MBD5: variants seen among roughly 807,000 people sequenced by gnomAD.
MBD5 encodes methyl-CpG-binding domain protein 5.
MBD5 carries 13 observed loss-of-function variants against 117.3 expected under a neutral mutation model. That is an observed-to-expected ratio of 0.11 (90% CI 0.07 to 0.18). The LOEUF is 0.18. MBD5 is among the 10% of genes least tolerant of loss of function. The probability of loss-of-function intolerance (pLI) is 1.00; values close to 1 mark genes in which losing one functional copy is unlikely to be tolerated. For synonymous variants in MBD5, 727 were observed against 766.4 expected (o/e 0.95, Z 0.85); for missense variants, 1,879 against 2,093.8 (o/e 0.90, Z 2.00).
chr2:148,207,463 A>G (rs1437513390), intron 2 of MBD5, among the ~76,000 whole-genome samples: 1 of 151,596 alleles, frequency 6.6e-6, no homozygotes, highest in African/African-American at 2.4e-5. Flanking sequence ...GACAAAAAAA[A>G]AACCCTTAAA....
intron 1 of MBD5, among the ~76,000 whole-genome samples, chr2:148,177,113 A>G (rs1324038904): frequency 2.6e-5 from 4 of 152,174 alleles, no homozygotes; most frequent in Non-Finnish European, 4.4e-5. Context: ...CCTATTTACT[A>G]TATGTTCAAA....
chr2:148,295,431 G>A (rs1011325142), intron 3 of MBD5, among the ~76,000 whole-genome samples: 1 of 151,916 alleles, frequency 6.6e-6, no homozygotes, highest in Admixed American at 6.6e-5. Flanking sequence ...TTCATTGTGT[G>A]CAAAGAGTAT....
At chr2:148,181,512 A>G (rs147785592) in intron 2 of MBD5, among the ~76,000 whole-genome samples, 1 of 152,294 alleles carries the variant, frequency 6.6e-6, no homozygotes, top group African/African-American at 2.4e-5. Context: ...GCCAGCCCTT[A>G]ACGTTTTCCA....
chr2:148,379,072 A>T (rs1704063301), intron 4 of MBD5, among the ~76,000 whole-genome samples: 1 of 152,110 alleles, frequency 6.6e-6, no homozygotes, highest in African/African-American at 2.4e-5. Context: ...GACAAGATAG[A>T]GCAAATGAAA....
At chr2:148,139,731 G>T (rs1284745858) in intron 1 of MBD5, among the ~76,000 whole-genome samples, 1 of 151,942 alleles carries the variant, frequency 6.6e-6, no homozygotes, top group African/African-American at 2.4e-5. Flanking sequence ...TTAAACAATA[G>T]CTACCCCCCT....
chr2:148,148,701 TA>T (rs1267842183), intron 1 of MBD5, among the ~76,000 whole-genome samples: 1 of 152,140 alleles, frequency 6.6e-6, no homozygotes, highest in Non-Finnish European at 1.5e-5. Flanking sequence ...ATGGGTTTTA[TA>T]AATTCTCTTG....
chr2:148,158,763 A>G (rs59094777), intron 1 of MBD5, among the ~76,000 whole-genome samples: 12,784 of 152,220 alleles, frequency 0.084, 604 homozygotes, highest in South Asian at 0.14. Flanking sequence ...TGTGTCTGCC[A>G]GGCTGGAGTG....
At chr2:148,358,337 A>G (rs561104067) in intron 4 of MBD5, among the ~76,000 whole-genome samples, 2 of 152,312 alleles carry the variant, frequency 1.3e-5, no homozygotes, top group Admixed American at 1.3e-4. Context: ...ACAGCCCAAG[A>G]TATAGGTAAT....
chr2:148,187,019 C>A (rs1288802034), intron 2 of MBD5, among the ~76,000 whole-genome samples: 1 of 152,196 alleles, frequency 6.6e-6, no homozygotes, highest in Non-Finnish European at 1.5e-5. Context: ...ATGCAATAAA[C>A]ATTGCCAATT....
At chr2:148,382,571 C>A (rs920284388) in intron 4 of MBD5, among the ~76,000 whole-genome samples, 6 of 152,090 alleles carry the variant, frequency 3.9e-5, no homozygotes, top group African/African-American at 1.4e-4. Flanking sequence ...ACAAGGATAT[C>A]CAAGAATTGA....
intron 4 of MBD5, among the ~76,000 whole-genome samples, chr2:148,372,051 T>C (rs1025409399): frequency 7.9e-5 from 12 of 152,116 alleles, no homozygotes; most frequent in African/African-American, 2.9e-4. Flanking sequence ...GATAAGCTAA[T>C]ATAATAAATA....
chr2:148,385,983 A>C (rs1704346676), intron 4 of MBD5, among the ~76,000 whole-genome samples: 1 of 128,628 alleles, frequency 7.8e-6, no homozygotes, highest in African/African-American at 2.9e-5. Flanking sequence ...GGGGGGAGGG[A>C]TAGCATTAGG....
At position 148,469,726 on chromosome 2, in the gene MBD5, G is replaced by T. The variant is rs1302791673; in HGVS notation, c.1783G>T (p.Ala595Ser). ...ACAGCTAGCAAATCAAAACAAACTT[G>T]CTGGTAACAACAGTAGCAGCAGTAG... ...KAQLANQNKLAGNNSSSSSNS... is the reference protein window; with the variant it reads ...KAQLANQNKLSGNNSSSSSNS... Residue 595 changes from alanine (A) to serine (S), a missense_variant, in exon 8 of 14, where the codon GCT becomes TCT. Physicochemically the swap from Ala to Ser is moderately conservative, Grantham distance 99. This residue lies in a region of MBD5 where 1,666 missense variants were observed against 1,792.2 expected (regional missense o/e 0.93). Transcript: ENST00000642680. The T allele has an allele frequency of 6.2e-7, 1 of 1,613,902 alleles. No homozygotes were observed. Among genetic ancestry groups the T allele is most frequent in the East Asian group, 2.2e-5 (1 of 44,874 alleles).
At chr2:148,278,996 TG>T (rs974668166) in intron 3 of MBD5, among the ~76,000 whole-genome samples, 1 of 152,170 alleles carries the variant, frequency 6.6e-6, no homozygotes, top group Admixed American at 6.5e-5. Context: ...TGCAGTTTTT[TG>T]TTCCATATGG....
chr2:148,261,802 T>C lies in MBD5; in HGVS notation c.-680+28407T>C, dbSNP rs73013010. Among the ~76,000 whole-genome samples the C allele has an allele frequency of 5.6e-3, 854 of 152,340 alleles. 10 individuals carry two copies. Among genetic ancestry groups the C allele is most frequent in the African/African-American group, 0.02 (826 of 41,588 alleles). ...ACATGTCTTCCTTACTAAGCTTAAT[T>C]ATTTCTAGCTTTTGATTTGAATTGA... is the stretch of plus-strand genomic sequence containing the variant. On this transcript the variant is annotated intron_variant, in intron 3 of 13. Transcript: ENST00000642680.
chr2:148,143,472 G>T (rs901784336), intron 1 of MBD5, among the ~76,000 whole-genome samples: 2 of 152,066 alleles, frequency 1.3e-5, no homozygotes, highest in Admixed American at 1.3e-4. Flanking sequence ...TGATAAAAAT[G>T]AAATCAATTT....
intron 3 of MBD5, among the ~76,000 whole-genome samples, chr2:148,288,398 T>C (rs1261840174): frequency 3.3e-5 from 1 of 30,102 alleles, no homozygotes; most frequent in Non-Finnish European, 7.8e-5. Context: ...AGACTCCGTC[T>C]CAAAAAAAAA....
chr2:148,229,245 T>C (rs911247550), intron 2 of MBD5, among the ~76,000 whole-genome samples: 1 of 152,174 alleles, frequency 6.6e-6, no homozygotes, highest in African/African-American at 2.4e-5. Context: ...ATTAATTCTT[T>C]ATTCAGCTTG....
chr2:148,101,250 A>C (rs1696208495), intron 1 of MBD5, among the ~76,000 whole-genome samples: 1 of 152,128 alleles, frequency 6.6e-6, no homozygotes. Flanking sequence ...CAGGAGTTCA[A>C]GACCAGCCTG....
Sources: gnomAD v4.1 joint callset for allele counts (sites outside exome capture counted in the v4.1 genomes callset) on GRCh38, gnomAD v4.1.1 for gene constraint, gnomAD v4.1.1 regional missense constraint, MANE v1.5 for transcripts, NCBI Gene and HGNC (gene_info 2026-07-23, HGNC 2026-07-21) for gene names.